The following SLC44A3 variants were observed in gnomAD, a reference collection of about 807,000 sequenced individuals.
SLC44A3 encodes solute carrier family 44 member 3.
In SLC44A3, 74 loss-of-function variants were observed where a neutral mutation model predicts 75.4. The observed-to-expected ratio is 0.98, with a 90% CI of 0.81 to 1.19. SLC44A3 has a LOEUF of 1.19. Ranked by LOEUF, SLC44A3 falls within the 50% of genes most tolerant of loss-of-function variation. The probability of loss-of-function intolerance (pLI) is 0.00; values close to 1 mark genes in which losing one functional copy is unlikely to be tolerated. For missense variants in SLC44A3, 700 were observed against 778.6 expected, an observed-to-expected ratio of 0.90 and a Z score of 1.20; for synonymous variants, 310 against 296.9, an observed-to-expected ratio of 1.04 and a Z score of -0.45.
At chr1:94,840,369 A>G (rs1663452100) in intron 7 of SLC44A3, among the ~76,000 whole-genome samples, 1 of 132,294 alleles carries the variant, frequency 7.6e-6, no homozygotes, top group Non-Finnish European at 1.5e-5. Context: ...AGCTCACTAT[A>G]GCCTCAACCT....
At position 94,826,251 on chromosome 1, in the gene SLC44A3, A is replaced by G. The variant is rs182227161; in HGVS notation, c.279-1256A>G. Among the ~76,000 whole-genome samples, 20 of 152,338 alleles carry G rather than the reference A, an allele frequency of 1.3e-4. No individual in the cohort carries two copies. The East Asian group carries it at 3.5e-3, about 26-fold the overall frequency. On this transcript the variant is annotated intron_variant, in intron 3 of 14. Coordinates refer to ENST00000271227, the MANE Select transcript of SLC44A3 (RefSeq NM_001114106.3). ...CTGGAGGAAAGGAGGGTGGGAACCT[A>G]TTGTTTAATGGGTACAGATTTCAGT...
intron 5 of SLC44A3, among the ~76,000 whole-genome samples, chr1:94,828,872 A>C (rs1661731122): frequency 6.6e-6 from 1 of 152,214 alleles, no homozygotes; most frequent in South Asian, 2.1e-4. Flanking sequence ...GTAACTTATG[A>C]ATTATTACTA....
At chr1:94,829,897 T>A (rs1202979397) in intron 5 of SLC44A3, among the ~76,000 whole-genome samples, 1 of 152,220 alleles carries the variant, frequency 6.6e-6, no homozygotes, top group Non-Finnish European at 1.5e-5. Flanking sequence ...TGTCCTTACA[T>A]ATATAAAACA....
intron 12 of SLC44A3, among the ~76,000 whole-genome samples, chr1:94,884,124 C>G (rs1407971513): frequency 6.6e-6 from 1 of 152,196 alleles, no homozygotes; most frequent in Non-Finnish European, 1.5e-5. Context: ...AATAGCACGA[C>G]CCTGTTCGTG....
At position 94,837,828 on chromosome 1, in the gene SLC44A3, G is replaced by A. The variant is rs753576151; in HGVS notation, c.627G>A (p.Met209Ile). 5.6e-6 allele frequency: 9 copies of A among 1,611,722 alleles called. No homozygotes were observed. The highest frequency in any genetic ancestry group is 7.6e-6 in the Non-Finnish European group (9 of 1,179,412). ...DTLHRILSGI[M>I]SGRDTILGLC... ...TCCACCGAATTCTAAGTGGAATCATGTCGGGAAGAGATACAATCCTTGGCC... is the reference window on the plus strand; with the variant it reads ...TCCACCGAATTCTAAGTGGAATCATATCGGGAAGAGATACAATCCTTGGCC... The change falls in exon 6 of 15, where the codon ATG becomes ATA. Residue 209 changes from methionine to isoleucine, a missense_variant. Physicochemically the swap from Met to Ile is conservative, Grantham distance 10. Coordinates refer to ENST00000271227, the MANE Select transcript of SLC44A3 (RefSeq NM_001114106.3).
intron 14 of SLC44A3, among the ~76,000 whole-genome samples, chr1:94,892,878 G>A (rs942090278): frequency 3.3e-5 from 5 of 152,196 alleles, no homozygotes; most frequent in Non-Finnish European, 7.3e-5. Flanking sequence ...AAGTTTAACA[G>A]TTGATCTTTT....
intron 12 of SLC44A3, chr1:94,888,785 A>G (rs1378798803): frequency 1.1e-6 from 1 of 872,506 alleles, no homozygotes; most frequent in South Asian, 5.2e-5. Flanking sequence ...GTTGGAGTGC[A>G]GTGGTGCGAT....
At chr1:94,825,757 G>A (rs181587890) in intron 3 of SLC44A3, 201 of 447,460 alleles carry the variant, frequency 4.5e-4, no homozygotes, top group African/African-American at 3.6e-3. Flanking sequence ...TTATCCTCCT[G>A]AGTGTTGCTC....
chr1:94,870,460 G>A (rs1039861566), intron 12 of SLC44A3, among the ~76,000 whole-genome samples: 4 of 152,188 alleles, frequency 2.6e-5, no homozygotes, highest in Non-Finnish European at 5.9e-5. Flanking sequence ...GGCTGTGGAA[G>A]TTCAGAAAAG....
intron 9 of SLC44A3, among the ~76,000 whole-genome samples, chr1:94,847,269 TTTC>T (rs1664528309): frequency 6.6e-6 from 1 of 152,182 alleles, no homozygotes; most frequent in African/African-American, 2.4e-5. Context: ...AGGCACCCGC[TTTC>T]TTCTTCTGCA....
At chr1:94,851,059 C>G (rs145177351) in intron 9 of SLC44A3, among the ~76,000 whole-genome samples, 544 of 152,176 alleles carry the variant, frequency 3.6e-3, no homozygotes, top group Non-Finnish European at 6.7e-3. Context: ...ATGCACATCC[C>G]CATACCTTTG....
chr1:94,829,383 C>A (rs1386537434), intron 5 of SLC44A3, among the ~76,000 whole-genome samples: 1 of 152,146 alleles, frequency 6.6e-6, no homozygotes, highest in Non-Finnish European at 1.5e-5. Context: ...ACCAGATGGA[C>A]AAGGCCAAGT....
chr1:94,845,226 A>G (rs199746306), intron 8 of SLC44A3, 52 bp from the exon 9 acceptor site: 32 of 1,532,632 alleles, frequency 2.1e-5, no homozygotes. Context: ...TTTAAGCTCT[A>G]CCCAGTTCTC....
chr1:94,831,802 C>A (rs1340695304), intron 5 of SLC44A3, among the ~76,000 whole-genome samples: 1 of 152,188 alleles, frequency 6.6e-6, no homozygotes, highest in Non-Finnish European at 1.5e-5. Flanking sequence ...CAATGACTTC[C>A]TGCAAGTTTG....
At chr1:94,837,396 T>G in intron 5 of SLC44A3, among the ~76,000 whole-genome samples, 1 of 152,326 alleles carries the variant, frequency 6.6e-6, no homozygotes, top group East Asian at 1.9e-4. Context: ...TTTCATGAAG[T>G]TTATATATAT....
At chr1:94,857,938 C>A (rs1269530278) in intron 10 of SLC44A3, among the ~76,000 whole-genome samples, 1 of 151,390 alleles carries the variant, frequency 6.6e-6, no homozygotes, top group Non-Finnish European at 1.5e-5. Flanking sequence ...CTCAGCCTCC[C>A]AAGTAGCTGG....
intron 10 of SLC44A3, among the ~76,000 whole-genome samples, chr1:94,861,511 T>A (rs1571334334): frequency 6.6e-6 from 1 of 152,206 alleles, no homozygotes; most frequent in East Asian, 1.9e-4. Context: ...ACATATTACT[T>A]TGATTAAAAA....
At position 94,824,506 on chromosome 1, in the gene SLC44A3, G is replaced by T. The variant is rs1460984950; in HGVS notation, c.149G>T (p.Gly50Val). ...LFWTGLVFIM[G>V]YSVVAGAAGR... is the part of the protein sequence containing the mutation. ...CGTTTTTGCCAGGTGTTTATCATGG[G>T]CTACTCGGTGGTGGCTGGAGCCGCG... Residue 50 changes from glycine to valine, a missense_variant, in exon 3 of 15, where the codon GGC becomes GTC. Gly to Val is a moderately radical substitution (Grantham distance 109, BLOSUM62 -3). Coordinates refer to ENST00000271227, the MANE Select transcript of SLC44A3 (RefSeq NM_001114106.3). The T allele has an allele frequency of 3.1e-6, 5 of 1,604,606 alleles. No homozygotes were observed. Among genetic ancestry groups the T allele is most frequent in the East Asian group, 4.5e-5 (2 of 44,726 alleles).
chr1:94,877,119 A>G (rs536525342), intron 12 of SLC44A3, among the ~76,000 whole-genome samples: 15 of 151,884 alleles, frequency 9.9e-5, no homozygotes, highest in South Asian at 2.1e-4. Flanking sequence ...CCACTTCTCC[A>G]AGCTGTGTTT....
Sources: allele counts gnomAD v4.1 joint callset (sites outside exome capture counted in the v4.1 genomes callset), GRCh38; gene constraint gnomAD v4.1.1; transcripts MANE v1.5; gene names NCBI Gene and HGNC (gene_info 2026-07-23, HGNC 2026-07-21).